SCRN1: variants seen among roughly 807,000 people sequenced by gnomAD.
SCRN1 encodes the protein secernin-1.
SCRN1 carries 19 observed loss-of-function variants against 43.3 expected under a neutral mutation model. The observed-to-expected ratio is 0.44, with a 90% CI of 0.31 to 0.64. The LOEUF (loss-of-function observed/expected upper bound fraction) is 0.64, where lower values mean the gene tolerates loss of function less well. SCRN1 is among the 30% of genes least tolerant of loss of function. SCRN1 has a pLI of 0.09. For missense variants in SCRN1, 447 were observed against 524.1 expected (o/e 0.85, Z 1.44); for synonymous variants, 183 against 188.9 (o/e 0.97, Z 0.26).
chr7:29,937,673 G>C (rs1313885246), intron 5 of SCRN1, among the ~76,000 whole-genome samples: 1 of 152,148 alleles, frequency 6.6e-6, no homozygotes, highest in Non-Finnish European at 1.5e-5. Context: ...GAGGCATTTA[G>C]AATATTCAGA....
rs1787732874 is a variant in SCRN1 at position 29,946,186 on chromosome 7, G to T, written c.342-2007C>A. ...CTGAACCCTAAAACCTTAGGAGAGG[G>T]ATAAAAGAACAAACCCACTAGAAGA... On this transcript the variant is annotated intron_variant, in intron 3 of 7. Coordinates refer to ENST00000242059, the MANE Select transcript of SCRN1 (RefSeq NM_014766.5). Among the ~76,000 whole-genome samples, 7 of 152,300 alleles carry T rather than the reference G, an allele frequency of 4.6e-5. No individual in the cohort carries two copies. The South Asian group carries it at 1.5e-3, about 32-fold the overall frequency.
chr7:29,937,494 G>C (rs1386247583), intron 5 of SCRN1, among the ~76,000 whole-genome samples: 1 of 152,078 alleles, frequency 6.6e-6, no homozygotes, highest in Admixed American at 6.5e-5. Context: ...CTTTGTTACA[G>C]CATTTAGCTG....
chr7:29,959,652 A>C (rs567957633), intron 2 of SCRN1, among the ~76,000 whole-genome samples: 4 of 152,156 alleles, frequency 2.6e-5, no homozygotes, highest in African/African-American at 9.7e-5. Flanking sequence ...TAAGGTTCAT[A>C]TAAGTTTAAA....
At chr7:29,954,998 T>C (rs1422131488) in intron 3 of SCRN1, among the ~76,000 whole-genome samples, 181 bp downstream of exon 3, 1 of 152,176 alleles carries the variant, frequency 6.6e-6, no homozygotes, top group African/African-American at 2.4e-5. Context: ...TTTTTTTTAT[T>C]GTTAAGTAAT....
chr7:29,953,311 C>T (rs1788019262), intron 3 of SCRN1, among the ~76,000 whole-genome samples: 1 of 152,230 alleles, frequency 6.6e-6, no homozygotes, highest in Non-Finnish European at 1.5e-5. Flanking sequence ...TGAGCTGCTT[C>T]ATGTACCCAC....
At chr7:29,947,204 A>G (rs1787762892) in intron 3 of SCRN1, 6 of 1,550,504 alleles carry the variant, frequency 3.9e-6, no homozygotes, top group Non-Finnish European at 3.5e-6. Flanking sequence ...GGGCCTGGGA[A>G]TTAGATGCTC....
At chr7:29,929,118 G>A (rs542298674) in intron 6 of SCRN1, among the ~76,000 whole-genome samples, 18 of 152,332 alleles carry the variant, frequency 1.2e-4, no homozygotes, top group East Asian at 3.9e-4. Flanking sequence ...GGAAGTCAGC[G>A]CATGTCACCT....
intron 5 of SCRN1, among the ~76,000 whole-genome samples, chr7:29,938,091 C>A (rs1291151200): frequency 2.0e-5 from 3 of 152,036 alleles, no homozygotes; most frequent in African/African-American, 7.2e-5. Flanking sequence ...TGCAGTGGCG[C>A]AATCTTGGCT....
intron 6 of SCRN1, among the ~76,000 whole-genome samples, chr7:29,931,288 T>C (rs889313426): frequency 6.6e-6 from 1 of 152,278 alleles, no homozygotes; most frequent in African/African-American, 2.4e-5. Context: ...TCAATTCTCA[T>C]GGTACTCTTA....
rs1786803172 is a variant in SCRN1, at chr7:29,922,560, A to G, written c.*1397T>C. On this transcript the variant is annotated 3_prime_UTR_variant, in exon 8 of 8. Transcript: ENST00000242059. The stretch of plus-strand genomic sequence containing the variant: ...GTATTTACATACACTTCTGTTCATC[A>G]TCTCTGCCCGTTTCAGGAGTAGCTG... 1 of 152,206 alleles carries G rather than the reference A, an allele frequency of 6.6e-6. No homozygotes were observed. Among genetic ancestry groups the G allele is most frequent in the South Asian group, 2.1e-4 (1 of 4,830 alleles). 9.4% of individuals were successfully genotyped at this position (152,206 alleles called of 1,614,324 possible).
At chr7:29,941,116 C>T (rs1787530534) in intron 4 of SCRN1, among the ~76,000 whole-genome samples, 1 of 152,152 alleles carries the variant, frequency 6.6e-6, no homozygotes, top group Admixed American at 6.5e-5. Context: ...GTCACTTAAC[C>T]CATCTTAAAA....
At chr7:29,930,097 T>C (rs1236789472) in intron 6 of SCRN1, among the ~76,000 whole-genome samples, 1 of 152,224 alleles carries the variant, frequency 6.6e-6, no homozygotes, top group African/African-American at 2.4e-5. Context: ...AAGCTTAGTA[T>C]ACTCAACTAA....
At position 29,921,407 on chromosome 7, in the gene SCRN1, G is replaced by A. The variant is rs1017490292; in HGVS notation, c.*2550C>T. The A allele has an allele frequency of 2.6e-5, 4 of 152,164 alleles. No homozygotes were observed. Among genetic ancestry groups the A allele is most frequent in the Admixed American group, 2.6e-4 (4 of 15,272 alleles). The allele number at this position is 152,164 out of a possible 1,614,324, so 9.4% of individuals were successfully genotyped here. On this transcript the variant is annotated 3_prime_UTR_variant, in exon 8 of 8. Coordinates refer to ENST00000242059, the MANE Select transcript of SCRN1 (RefSeq NM_014766.5). ...TGAACATTCCTCACTATAACAGCCT[G>A]CTCAAAACCCAACAACCTATTTCCA...
At chr7:29,980,444 T>C (rs1006722791) in intron 1 of SCRN1, among the ~76,000 whole-genome samples, 2 of 152,216 alleles carry the variant, frequency 1.3e-5, no homozygotes, top group African/African-American at 4.8e-5. Context: ...TGTCTTCCTC[T>C]CCCATCAAAA....
chr7:29,972,878 GCA>G (rs1201132880), intron 1 of SCRN1, among the ~76,000 whole-genome samples: 6 of 152,194 alleles, frequency 3.9e-5, no homozygotes, highest in Non-Finnish European at 7.3e-5. Context: ...TGATGAAGGA[GCA>G]CAGTTTTCCA....
intron 2 of SCRN1, among the ~76,000 whole-genome samples, chr7:29,966,547 C>T (rs181190901): frequency 6.6e-6 from 1 of 152,326 alleles, no homozygotes; most frequent in East Asian, 1.9e-4. Flanking sequence ...ACACAGAGTC[C>T]ACTCTGTTCC....
In SCRN1 at chr7:29,921,302, A is replaced by T. The variant is rs545419184; in HGVS notation, c.*2655T>A. 2.0e-5 allele frequency: 3 copies of T among 152,706 alleles called. No homozygotes were observed. The highest frequency in any genetic ancestry group is 4.4e-5 in the Non-Finnish European group (3 of 68,036). 9.5% of individuals were successfully genotyped at this position (152,706 alleles called of 1,614,324 possible). On this transcript the variant is annotated 3_prime_UTR_variant, in exon 8 of 8. Coordinates refer to ENST00000242059, the MANE Select transcript of SCRN1 (RefSeq NM_014766.5). ...TATTCATGTTCCCTATACTGCCTTC[A>T]GAAAAGCAATCCCTGGTCCACAAAT...
chr7:29,937,025 G>A (rs539204766), intron 5 of SCRN1, among the ~76,000 whole-genome samples: 33 of 152,104 alleles, frequency 2.2e-4, no homozygotes, highest in Admixed American at 7.9e-4. Flanking sequence ...CAGCCTGGGC[G>A]ACAGAGCGAG....
intron 3 of SCRN1, among the ~76,000 whole-genome samples, chr7:29,952,845 A>G (rs1204460852): frequency 6.6e-6 from 1 of 152,196 alleles, no homozygotes; most frequent in African/African-American, 2.4e-5. Context: ...TAAGGTGCAG[A>G]TGCCTGTGAC....
Sources: allele counts gnomAD v4.1 joint callset (sites outside exome capture counted in the v4.1 genomes callset), GRCh38; gene constraint gnomAD v4.1.1; transcripts MANE v1.5; gene names NCBI Gene and HGNC (gene_info 2026-07-23, HGNC 2026-07-21).